Variants in RALGAPA2 observed in about 807,000 individuals in gnomAD.
RALGAPA2 encodes the protein Ral GTPase activating protein catalytic subunit alpha 2, also known as ral GTPase-activating protein subunit alpha-2.
In RALGAPA2, 139 loss-of-function variants were observed where a neutral mutation model predicts 230.4. The observed-to-expected ratio is 0.60, with a 90% confidence interval of 0.53 to 0.69. RALGAPA2 has a LOEUF of 0.69. RALGAPA2 is among the 30% of genes least tolerant of loss of function. RALGAPA2 has a pLI of 0.00. For missense variants in RALGAPA2, 2,163 were observed against 2,276.0 expected, an observed-to-expected ratio of 0.95 and a Z score of 1.01; for synonymous variants, 847 against 837.8, an observed-to-expected ratio of 1.01 and a Z score of -0.19.
chr20:20,401,402 T>A (rs963303629), intron 38 of RALGAPA2, among the ~76,000 whole-genome samples: 4 of 152,088 alleles, frequency 2.6e-5, no homozygotes, highest in African/African-American at 9.7e-5. Context: ...CCCCCAAACC[T>A]CACACCACCC....
chr20:20,638,871 C>T (rs908105559), intron 7 of RALGAPA2, among the ~76,000 whole-genome samples: 4 of 152,062 alleles, frequency 2.6e-5, no homozygotes, highest in African/African-American at 9.7e-5. Flanking sequence ...CAGCCAAGTA[C>T]TGAATCTTGA....
At chr20:20,465,165 A>ACACACACG (rs1192080354) in intron 37 of RALGAPA2, among the ~76,000 whole-genome samples, 1 of 147,846 alleles carries the variant, frequency 6.8e-6, no homozygotes, top group Non-Finnish European at 1.5e-5. Flanking sequence ...ACACACACAC[A>ACACACACG]CACACACACA....
chr20:20,520,116 C>G (rs936771078), intron 31 of RALGAPA2, among the ~76,000 whole-genome samples: 1 of 152,108 alleles, frequency 6.6e-6, no homozygotes, highest in Non-Finnish European at 1.5e-5. Flanking sequence ...ACAGAGAGAC[C>G]TCAAATACCT....
rs1287668959 is a variant in RALGAPA2 at position 20,653,562 on chromosome 20, C to T, written c.296G>A (p.Arg99Gln). Residue 99 changes from arginine (R) to glutamine (Q), a missense_variant, in exon 4 of 40, where the codon CGA (arginine) becomes CAA (glutamine). Transcript: ENST00000202677. ...FEKILQFLPE[R>Q]IFFRWHYQSI... is the part of the protein sequence containing the mutation. ...CTGGTAATGCCATCGAAAGAAAATT[C>T]GTTCAGGTAGAAACTGCAGTATTTT... 4.0e-6 allele frequency: 6 copies of T among 1,499,166 alleles called. No homozygotes were observed. Among genetic ancestry groups the T allele is most frequent in the Non-Finnish European group, 9.1e-7 (1 of 1,104,268 alleles). 92.9% of individuals were successfully genotyped at this position (1,499,166 alleles called of 1,614,324 possible). A position where few individuals can be genotyped will look rare whatever the true frequency, so the allele number is the denominator to read the frequency against.
At chr20:20,445,046 C>A (rs1207048024) in intron 37 of RALGAPA2, among the ~76,000 whole-genome samples, 2 of 152,182 alleles carry the variant, frequency 1.3e-5, no homozygotes, top group East Asian at 1.9e-4. Flanking sequence ...AGTAGTGACG[C>A]TGGCATATTG....
intron 4 of RALGAPA2, among the ~76,000 whole-genome samples, chr20:20,644,560 C>T (rs539105709): frequency 3.0e-4 from 46 of 152,344 alleles, no homozygotes; most frequent in Non-Finnish European, 5.0e-4. Context: ...AACGATTCTA[C>T]TGTTCATAAC....
At chr20:20,435,334 G>A (rs1171376583) in intron 37 of RALGAPA2, among the ~76,000 whole-genome samples, 1 of 152,200 alleles carries the variant, frequency 6.6e-6, no homozygotes, top group African/African-American at 2.4e-5. Context: ...GAGATGGAGG[G>A]TGTTCACCAC....
intron 23 of RALGAPA2, among the ~76,000 whole-genome samples, chr20:20,567,760 A>G (rs2064480676): frequency 6.6e-6 from 1 of 151,708 alleles, no homozygotes; most frequent in African/African-American, 2.4e-5. Flanking sequence ...TGGGAGGCCA[A>G]GACGGGAGGA....
At chr20:20,680,626 C>G in intron 2 of RALGAPA2, 65 bp downstream of exon 2, 2 of 1,451,654 alleles carry the variant, frequency 1.4e-6, no homozygotes, top group Non-Finnish European at 1.8e-6. Flanking sequence ...ATTTGTGGCT[C>G]ATGATATATA....
chr20:20,465,625 G>A (rs1278103373), intron 37 of RALGAPA2, among the ~76,000 whole-genome samples: 1 of 152,196 alleles, frequency 6.6e-6, no homozygotes, highest in Non-Finnish European at 1.5e-5. Flanking sequence ...AACTTCTGAA[G>A]GGATGGTCTT....
chr20:20,479,244 A>C (rs757105553), intron 36 of RALGAPA2, among the ~76,000 whole-genome samples: 1 of 152,218 alleles, frequency 6.6e-6, no homozygotes, highest in Non-Finnish European at 1.5e-5. Flanking sequence ...ATTCAAATAA[A>C]ATCTTCGAAA....
chr20:20,490,145 C>T (rs904693078), intron 36 of RALGAPA2, among the ~76,000 whole-genome samples: 22 of 152,246 alleles, frequency 1.4e-4, no homozygotes, highest in African/African-American at 5.3e-4. Context: ...TATAAATAAA[C>T]GTTCTTTAGT....
intron 1 of RALGAPA2, among the ~76,000 whole-genome samples, chr20:20,696,734 A>T (rs2069126492): frequency 6.6e-6 from 1 of 151,966 alleles, no homozygotes; most frequent in Non-Finnish European, 1.5e-5. Flanking sequence ...ATTCCCCAAA[A>T]ATAATCACAA....
rs751961966 is a variant in RALGAPA2, at chr20:20,521,147, G to A, written c.3901-47C>T. 3.4e-6 allele frequency: 5 copies of A among 1,484,138 alleles called. No individual in the cohort carries two copies. In the African/African-American group the frequency reaches 5.5e-5, roughly 16 times the overall value. 91.9% of individuals were successfully genotyped at this position (1,484,138 alleles called of 1,614,324 possible). A position where few individuals can be genotyped will look rare whatever the true frequency, so the allele number is the denominator to read the frequency against. On this transcript the variant is annotated intron_variant, in intron 30 of 39. Coordinates refer to ENST00000202677, the MANE Select transcript of RALGAPA2 (RefSeq NM_020343.4). ...GCACCACGGATGCTACTCACCGCGTGTCCCCTGACAATCTGTCAAACTACT... is the reference window on the plus strand; with the variant it reads ...GCACCACGGATGCTACTCACCGCGTATCCCCTGACAATCTGTCAAACTACT...
intron 1 of RALGAPA2, among the ~76,000 whole-genome samples, chr20:20,689,181 T>C (rs2068809699): frequency 6.6e-6 from 1 of 152,224 alleles, no homozygotes; most frequent in South Asian, 2.1e-4. Context: ...TAAGTGAATT[T>C]ATGTTAATTT....
At chr20:20,452,668 T>C (rs1250939745) in intron 37 of RALGAPA2, among the ~76,000 whole-genome samples, 1 of 152,112 alleles carries the variant, frequency 6.6e-6, no homozygotes, top group Admixed American at 6.5e-5. Flanking sequence ...TTCAGAGGGG[T>C]AAGTGCAATG....
chr20:20,423,186 A>T (rs2060313961), intron 37 of RALGAPA2, among the ~76,000 whole-genome samples: 1 of 152,058 alleles, frequency 6.6e-6, no homozygotes, highest in South Asian at 2.1e-4. Flanking sequence ...GTGGGACAAA[A>T]AGGGACCTGA....
intron 18 of RALGAPA2, among the ~76,000 whole-genome samples, chr20:20,587,734 G>T (rs554466639): frequency 6.6e-6 from 1 of 152,068 alleles, no homozygotes; most frequent in African/African-American, 2.4e-5. Flanking sequence ...GAAGATATTT[G>T]CTACAAACAT....
chr20:20,485,714 G>C (rs1443467202), intron 36 of RALGAPA2, among the ~76,000 whole-genome samples: 1 of 152,172 alleles, frequency 6.6e-6, no homozygotes, highest in Non-Finnish European at 1.5e-5. Context: ...TTCCTTATAA[G>C]AGAGTATTCC....
Sources: allele counts gnomAD v4.1 joint callset (sites outside exome capture counted in the v4.1 genomes callset), GRCh38; gene constraint gnomAD v4.1.1; transcripts MANE v1.5; gene names NCBI Gene and HGNC (gene_info 2026-07-23, HGNC 2026-07-21).